The following SMIM10L3 variants were observed in gnomAD, a reference collection of about 807,000 sequenced individuals.
SMIM10L3 encodes the protein small integral membrane protein 10 like 3.
chr7:6,338,035 C>T, the SMIM10L3 span, among the ~76,000 whole-genome samples: 2 of 152,070 alleles, frequency 1.3e-5, no homozygotes, highest in African/African-American at 4.8e-5. Context: ...AACTCCTGAC[C>T]TCAGGTGATC....
chr7:6,332,475 T>C, the SMIM10L3 span, among the ~76,000 whole-genome samples: 32 of 152,192 alleles, frequency 2.1e-4, no homozygotes, highest in African/African-American at 5.3e-4. Flanking sequence ...CCCTTATTAA[T>C]TGACACGTTA....
the SMIM10L3 span, among the ~76,000 whole-genome samples, chr7:6,345,825 G>A: frequency 2.6e-5 from 4 of 152,010 alleles, no homozygotes; most frequent in African/African-American, 7.2e-5. Context: ...CTGGAGTGCA[G>A]TAGGGTGATC....
At chr7:6,337,588 T>C in the SMIM10L3 span, among the ~76,000 whole-genome samples, 8 of 137,152 alleles carry the variant, frequency 5.8e-5, no homozygotes, top group Non-Finnish European at 9.6e-5. Flanking sequence ...AGTACCATTA[T>C]TTTTTTTCAT....
At chr7:6,348,232 A>AAAAAAAGGGGGG in the SMIM10L3 span, among the ~76,000 whole-genome samples, 1 of 145,186 alleles carries the variant, frequency 6.9e-6, no homozygotes, top group Non-Finnish European at 1.5e-5. Flanking sequence ...ATTAAAAATA[A>AAAAAAAGGGGGG]GGGGGGGGGT....
At chr7:6,331,528 C>G in the SMIM10L3 span, among the ~76,000 whole-genome samples, 5 of 151,788 alleles carry the variant, frequency 3.3e-5, no homozygotes, top group African/African-American at 1.2e-4. Context: ...CGACCAGTTG[C>G]ATGCCACCAA....
At chr7:6,341,559 G>A in the SMIM10L3 span, among the ~76,000 whole-genome samples, 6 of 150,426 alleles carry the variant, frequency 4.0e-5, no homozygotes, top group African/African-American at 1.5e-4. Flanking sequence ...GTGTAGTGGT[G>A]GGAGCCTGTA....
the SMIM10L3 span, among the ~76,000 whole-genome samples, chr7:6,339,838 C>G: frequency 2.6e-5 from 4 of 151,892 alleles, no homozygotes; most frequent in African/African-American, 9.7e-5. Flanking sequence ...GGTGCGATCA[C>G]AAGGAGAGGA....
At chr7:6,330,703 C>T in the SMIM10L3 span, 35 of 1,613,950 alleles carry the variant, frequency 2.2e-5, no homozygotes, top group Middle Eastern at 3.3e-4. Context: ...TCGTGACACC[C>T]GAGGCTCTCC....
At chr7:6,348,475 C>A in the SMIM10L3 span, 1 of 406,034 alleles carries the variant, frequency 2.5e-6, no homozygotes, top group African/African-American at 2.1e-5. Flanking sequence ...GACATACACT[C>A]AGCTTCTAGG....
chr7:6,344,151 A>G, the SMIM10L3 span, among the ~76,000 whole-genome samples: 1 of 151,820 alleles, frequency 6.6e-6, no homozygotes, highest in Non-Finnish European at 1.5e-5. Context: ...AGAACAAGAA[A>G]AAAAAAAAAA....
chr7:6,330,338 CTTAAAA>C, the SMIM10L3 span: 7 of 1,559,724 alleles, frequency 4.5e-6, no homozygotes, highest in African/African-American at 1.4e-5. Context: ...TAAGACAACT[CTTAAAA>C]TTAATCTATT....
At chr7:6,330,086 T>C in the SMIM10L3 span, 5 of 366,722 alleles carry the variant, frequency 1.4e-5, no homozygotes, top group African/African-American at 6.5e-5. Context: ...CAGAACTTCA[T>C]GGTAAATCCG....
the SMIM10L3 span, among the ~76,000 whole-genome samples, chr7:6,334,244 G>C: frequency 6.6e-6 from 1 of 151,078 alleles, no homozygotes; most frequent in East Asian, 2.0e-4. Flanking sequence ...TTTTTTTAAA[G>C]TTGTTGACTG....
the SMIM10L3 span, chr7:6,331,140 T>C: frequency 3.1e-6 from 5 of 1,612,326 alleles, no homozygotes; most frequent in South Asian, 4.4e-5. Flanking sequence ...CGAGGGGCCC[T>C]CTTCTGTCCC....
the SMIM10L3 span, among the ~76,000 whole-genome samples, chr7:6,348,238 G>T: frequency 6.6e-6 from 1 of 150,960 alleles, no homozygotes; most frequent in African/African-American, 2.4e-5. Flanking sequence ...AATAAGGGGG[G>T]GGGTTGCAAA....
chr7:6,346,663 G>C, the SMIM10L3 span, among the ~76,000 whole-genome samples: 2 of 152,270 alleles, frequency 1.3e-5, no homozygotes, highest in East Asian at 3.9e-4. Context: ...TTACTTACAG[G>C]AGTGAGCTAC....
chr7:6,330,206 C>A, the SMIM10L3 span: 1 of 674,990 alleles, frequency 1.5e-6, no homozygotes, highest in South Asian at 2.1e-5. Flanking sequence ...AAGTTCCTTC[C>A]GCATCAACTG....
the SMIM10L3 span, chr7:6,330,999 A>G: frequency 6.2e-7 from 1 of 1,614,180 alleles, no homozygotes; most frequent in Non-Finnish European, 8.5e-7. Flanking sequence ...AATTTCCATC[A>G]ACCACAGGCT....
At chr7:6,348,513 C>T in the SMIM10L3 span, 10,948 of 411,974 alleles carry the variant, frequency 0.027, 215 homozygotes, top group Middle Eastern at 0.064. Context: ...GCGTCTGCAT[C>T]CCGCGGGCGA....
Sources: gnomAD v4.1 joint callset for allele counts (sites outside exome capture counted in the v4.1 genomes callset) on GRCh38, gnomAD v4.1.1 for gene constraint, MANE v1.5 for transcripts, NCBI Gene and HGNC (gene_info 2026-07-23, HGNC 2026-07-21) for gene names.